Variants in NOTCH3 observed in about 807,000 individuals in gnomAD.
NOTCH3 encodes the protein notch receptor 3.
A neutral mutation model predicts 213.3 loss-of-function variants in NOTCH3; 86 were observed. That is an observed-to-expected ratio of 0.40 (90% CI 0.34 to 0.48). The LOEUF is 0.48. NOTCH3 is among the 20% of genes least tolerant of loss of function. NOTCH3 has a pLI of 0.57. For synonymous variants in NOTCH3, 1,354 were observed against 1,355.9 expected (o/e 1.00, Z 0.03); for missense variants, 2,783 against 3,272.6 (o/e 0.85, Z 3.65).
chr19:15,167,431 G>A lies in NOTCH3; in HGVS notation c.5200-20C>T, dbSNP rs368415764. 1.9e-6 allele frequency: 3 copies of A among 1,600,340 alleles called. No individual in the cohort carries two copies. Among genetic ancestry groups the A allele is most frequent in the Non-Finnish European group, 2.5e-6 (3 of 1,179,802 alleles). Reference sequence around the variant, plus strand: ...CTCTACCTGGAGGGGCAGGCACCCTGGATCTCAGATCTCACCCTTTGGTGC... The same window carrying A: ...CTCTACCTGGAGGGGCAGGCACCCTAGATCTCAGATCTCACCCTTTGGTGC... On this transcript the variant is annotated intron_variant, in intron 28 of 32. Coordinates refer to ENST00000263388, the MANE Select transcript of NOTCH3 (RefSeq NM_000435.3).
At chr19:15,173,048 T>TCCCCCTCCC (rs1418682563) in intron 25 of NOTCH3, among the ~76,000 whole-genome samples, 8 of 6,788 alleles carry the variant, frequency 1.2e-3, no homozygotes, top group Admixed American at 1.8e-3. Context: ...TCCCCCTCCC[T>TCCCCCTCCC]CCTCCCTCTT....
At chr19:15,170,056 A>T in intron 28 of NOTCH3, 30 bp downstream of exon 28, 1 of 1,336,350 alleles carries the variant, frequency 7.5e-7, no homozygotes, top group Admixed American at 1.9e-5. Flanking sequence ...GGGTCAGAGG[A>T]GGGGGCAAAG....
intron 12 of NOTCH3, among the ~76,000 whole-genome samples, chr19:15,186,379 ATGTGTGTG>A (rs36233245): frequency 0.31 from 42,319 of 138,196 alleles, 6,211 homozygotes; most frequent in Middle Eastern, 0.41. Context: ...TTGTTTTTGT[ATGTGTGTG>A]TGTGTGTGTG....
chr19:15,167,063 T>A (rs1470925143), intron 29 of NOTCH3, among the ~76,000 whole-genome samples, 186 bp downstream of exon 29: 1 of 152,226 alleles, frequency 6.6e-6, no homozygotes, highest in Non-Finnish European at 1.5e-5. Flanking sequence ...GATAAATCCC[T>A]TGTTTTACTT....
intron 27 of NOTCH3, 54 bp from the exon 28 acceptor site, chr19:15,170,224 G>A: frequency 6.6e-7 from 1 of 1,511,610 alleles, no homozygotes; most frequent in Non-Finnish European, 9.1e-7. Flanking sequence ...GTGTCCAGCT[G>A]GGAAGGAGGA....
At chr19:15,186,723 C>T (rs1158963302) in intron 12 of NOTCH3, among the ~76,000 whole-genome samples, 155 bp downstream of exon 12, 1 of 152,178 alleles carries the variant, frequency 6.6e-6, no homozygotes, top group African/African-American at 2.4e-5. Flanking sequence ...AATCTCGAAA[C>T]AACCTTATGC....
At chr19:15,187,743 G>A in intron 10 of NOTCH3, 138 bp downstream of exon 10, 1 of 739,522 alleles carries the variant, frequency 1.4e-6, no homozygotes, top group South Asian at 1.5e-5. Flanking sequence ...TGCATTATTG[G>A]CTCCACCCCC....
chr19:15,199,839 G>A (rs916886405), intron 1 of NOTCH3, among the ~76,000 whole-genome samples: 1 of 152,054 alleles, frequency 6.6e-6, no homozygotes, highest in Non-Finnish European at 1.5e-5. Flanking sequence ...ACTGGCGTCT[G>A]GGACCCCTGG....
chr19:15,169,218 CT>C (rs2046710539), intron 28 of NOTCH3, among the ~76,000 whole-genome samples: 1 of 66,290 alleles, frequency 1.5e-5, no homozygotes, highest in African/African-American at 4.2e-5. Flanking sequence ...CTCTCTCTCT[CT>C]CTCTCTCTCT....
chr19:15,185,271 G>T lies in NOTCH3; in HGVS notation c.2282C>A (p.Pro761Gln). Residue 761 changes from proline (P) to glutamine (Q), a missense_variant, in exon 14 of 33, where the codon CCG becomes CAG. Pro to Gln is a moderately conservative substitution (Grantham distance 76). This residue lies in a region of NOTCH3 where 861 missense variants were observed against 909.1 expected (regional missense o/e 0.95). Transcript: ENST00000263388. This position sits in a 1 kb window ranked among gnomAD's most constrained non-coding sequence, Gnocchi z 4.2. Reference protein sequence around the residue: ...SDGMGFHCTCPPGVQGRQCEL... With the variant: ...SDGMGFHCTCQPGVQGRQCEL... ...GAGGTACACACCCTGGACACCAGGC[G>T]GGCAGGTGCAGTGGAAACCCATTCC... The T allele has an allele frequency of 6.2e-7, 1 of 1,613,176 alleles. No individual in the cohort carries two copies. The highest frequency in any genetic ancestry group is 8.5e-7 in the Non-Finnish European group (1 of 1,180,000).
intron 24 of NOTCH3, among the ~76,000 whole-genome samples, chr19:15,176,950 T>C (rs1488833068): frequency 4.0e-5 from 6 of 150,394 alleles, no homozygotes; most frequent in African/African-American, 1.5e-4. Context: ...CAGGTACCTG[T>C]AGTCCCAGCT....
At chr19:15,166,132 G>A (rs767450727) in intron 29 of NOTCH3, 41 bp from the exon 30 acceptor site, 1 of 1,571,342 alleles carries the variant, frequency 6.4e-7, no homozygotes, top group Non-Finnish European at 8.8e-7. Flanking sequence ...GTAAACACAG[G>A]GCCTTTTCCA....
Position 15,159,197 on chromosome 19 carries a change from C to G in NOTCH3, c.*1465G>C, listed in dbSNP as rs1194836629. 1.3e-5 allele frequency: 2 copies of G among 152,220 alleles called. No homozygotes were observed. Among genetic ancestry groups the G allele is most frequent in the Non-Finnish European group, 2.9e-5 (2 of 68,064 alleles). 9.4% of individuals were successfully genotyped at this position (152,220 alleles called of 1,614,324 possible). A position where few individuals can be genotyped will look rare whatever the true frequency, so the allele number is the denominator to read the frequency against. On this transcript the variant is annotated 3_prime_UTR_variant, in exon 33 of 33. Transcript: ENST00000263388. ...CTCAATGGAATGAACACTCAATTAA[C>G]TGGAATTGATAACTGCACTGGGAGC...
intron 31 of NOTCH3, among the ~76,000 whole-genome samples, chr19:15,164,823 C>T (rs2046672674): frequency 6.6e-6 from 1 of 151,864 alleles, no homozygotes; most frequent in Admixed American, 6.6e-5. Context: ...GGAGTCTGTC[C>T]CCCAGGCTGG....
chr19:15,172,979 TTCCTCC>T (rs1220167247), intron 25 of NOTCH3, among the ~76,000 whole-genome samples: 1 of 135,446 alleles, frequency 7.4e-6, no homozygotes, highest in African/African-American at 3.0e-5. Context: ...CTTCTTCCTC[TTCCTCC>T]TCCTCCTCCC....
chr19:15,159,770 A>T lies in NOTCH3; in HGVS notation c.*892T>A. 1 of 233,502 alleles carries T rather than the reference A, an allele frequency of 4.3e-6. No homozygotes were observed. Among genetic ancestry groups the T allele is most frequent in the Non-Finnish European group, 8.5e-6 (1 of 118,038 alleles). The allele number at this position is 233,502 out of a possible 1,614,324, so 14.5% of individuals were successfully genotyped here. A position where few individuals can be genotyped will look rare whatever the true frequency, so the allele number is the denominator to read the frequency against. On this transcript the variant is annotated 3_prime_UTR_variant, in exon 33 of 33. Transcript: ENST00000263388. ...AGCCTAAAAATACCTCTATTCTGCC[A>T]TGAGGCTGGGCCAGAGGATTACCAG...
At chr19:15,192,571 C>T in intron 2 of NOTCH3, 52 bp from the exon 3 acceptor site, 1 of 1,545,304 alleles carries the variant, frequency 6.5e-7, no homozygotes, top group Non-Finnish European at 8.7e-7. Flanking sequence ...TGGCCCCAGA[C>T]ACAAAGATAC....
chr19:15,162,004 C>CTTTT (rs2046648851), intron 32 of NOTCH3, among the ~76,000 whole-genome samples: 1 of 44,860 alleles, frequency 2.2e-5, no homozygotes, highest in African/African-American at 7.2e-5. Context: ...TTTTTTTTGA[C>CTTTT]AGAGTCTCAC....
At chr19:15,175,478 G>A (rs1205349493) in intron 24 of NOTCH3, among the ~76,000 whole-genome samples, 1 of 144,272 alleles carries the variant, frequency 6.9e-6, no homozygotes, top group African/African-American at 2.6e-5. Context: ...AGGTTGCAGT[G>A]AGCCAAGATC....
Sources: allele counts gnomAD v4.1 joint callset (sites outside exome capture counted in the v4.1 genomes callset), GRCh38; gene constraint gnomAD v4.1.1; regional missense constraint gnomAD v4.1.1; non-coding constraint Gnocchi (gnomAD v3.1); transcripts MANE v1.5; gene names NCBI Gene and HGNC (gene_info 2026-07-23, HGNC 2026-07-21).